The following GOSR2 variants were observed in gnomAD, a reference collection of about 807,000 sequenced individuals.
The protein encoded by GOSR2 is golgi SNAP receptor complex member 2.
Under a neutral mutation model 27.9 loss-of-function variants are expected in GOSR2, and 20 were observed. That is an observed-to-expected ratio of 0.72 (90% CI 0.50 to 1.04). The LOEUF is 1.04. Ranked by LOEUF, GOSR2 falls within the 50% of genes least tolerant of loss-of-function variation. The probability of loss-of-function intolerance (pLI) is 0.00; values close to 1 mark genes in which losing one functional copy is unlikely to be tolerated. For synonymous variants in GOSR2, 91 were observed against 98.8 expected, an observed-to-expected ratio of 0.92 and a Z score of 0.47; for missense variants, 261 against 270.5, an observed-to-expected ratio of 0.97 and a Z score of 0.25.
intron 1 of GOSR2, among the ~76,000 whole-genome samples, chr17:46,928,807 A>G (rs2086879613): frequency 6.6e-6 from 1 of 152,070 alleles, no homozygotes; most frequent in African/African-American, 2.4e-5. Flanking sequence ...GAATTTTTGC[A>G]TATCATTTTC....
At chr17:46,959,843 T>A (rs1299985894) in intron 6 of GOSR2, among the ~76,000 whole-genome samples, 4 of 152,202 alleles carry the variant, frequency 2.6e-5, no homozygotes, top group Non-Finnish European at 2.9e-5. Flanking sequence ...TTCCCACCAC[T>A]GGAGCTGACT....
chr17:46,936,583 A>G (rs550786427), intron 5 of GOSR2: 12 of 985,512 alleles, frequency 1.2e-5, no homozygotes, highest in Admixed American at 6.1e-5. Flanking sequence ...AGGAGAGGGC[A>G]TGAAGGGGCT....
chr17:46,927,634 C>T (rs2086682370), intron 1 of GOSR2, among the ~76,000 whole-genome samples: 1 of 152,122 alleles, frequency 6.6e-6, no homozygotes, highest in Non-Finnish European at 1.5e-5. Context: ...ATTGTAGTCC[C>T]TTCTTTCAAA....
intron 6 of GOSR2, among the ~76,000 whole-genome samples, chr17:46,959,436 A>G (rs1475793457): frequency 6.6e-6 from 1 of 152,200 alleles, no homozygotes; most frequent in Non-Finnish European, 1.5e-5. Flanking sequence ...AGATTGCCTT[A>G]AATCGCTTGA....
downstream of GOSR2, among the ~76,000 whole-genome samples, chr17:46,946,551 T>TAA (rs1737222249): frequency 6.6e-6 from 1 of 150,902 alleles, no homozygotes; most frequent in Admixed American, 6.6e-5. Flanking sequence ...TTGCAGCCCT[T>TAA]AAACAGAAAA....
intron 5 of GOSR2, 153 bp downstream of exon 5, chr17:46,935,322 A>G (rs1207990710): frequency 6.6e-7 from 1 of 1,512,548 alleles, no homozygotes; most frequent in East Asian, 2.3e-5. Flanking sequence ...TTTCTGTTGG[A>G]GTTGAGTTAT....
At chr17:46,971,727 G>A (rs2091394268), downstream of GOSR2, among the ~76,000 whole-genome samples, 1 of 152,206 alleles carries the variant, frequency 6.6e-6, no homozygotes, top group African/African-American at 2.4e-5. Context: ...GGGAAGTCCT[G>A]CACCCCGACC....
At chr17:46,968,323 A>G (rs1008821911), downstream of GOSR2, among the ~76,000 whole-genome samples, 15 of 152,074 alleles carry the variant, frequency 9.9e-5, no homozygotes, top group Non-Finnish European at 2.9e-5. Flanking sequence ...CTGTTTCTGA[A>G]TCTTTAGGGA....
intron 6 of GOSR2, among the ~76,000 whole-genome samples, chr17:46,955,963 C>A (rs767699885): frequency 6.6e-6 from 1 of 152,180 alleles, no homozygotes; most frequent in Non-Finnish European, 1.5e-5. Flanking sequence ...CCATTGGGAT[C>A]CAGATGCTGT....
intron 6 of GOSR2, among the ~76,000 whole-genome samples, chr17:46,974,862 C>T (rs1326363580): frequency 6.6e-6 from 1 of 152,104 alleles, no homozygotes; most frequent in Non-Finnish European, 1.5e-5. Flanking sequence ...GGAGGAGCTA[C>T]AAAACCTTCT....
chr17:46,936,534 C>T (rs1055257493), intron 5 of GOSR2: 2 of 985,484 alleles, frequency 2.0e-6, no homozygotes, highest in African/African-American at 3.5e-5. Flanking sequence ...CACCCTGCCT[C>T]CGTCGGGATT....
intron 6 of GOSR2, among the ~76,000 whole-genome samples, chr17:46,950,413 T>C (rs1431202152): frequency 6.6e-6 from 1 of 152,112 alleles, no homozygotes; most frequent in Non-Finnish European, 1.5e-5. Context: ...GGGGAGAAGA[T>C]GAAGTTGCTA....
downstream of GOSR2, among the ~76,000 whole-genome samples, chr17:46,969,841 G>T (rs188827344): frequency 2.4e-4 from 37 of 152,296 alleles, no homozygotes; most frequent in African/African-American, 8.4e-4. Context: ...TGCAAGAGAG[G>T]TGCTTGTTAC....
intron 6 of GOSR2, chr17:46,952,609 C>G (rs1391969707): frequency 6.6e-6 from 1 of 152,172 alleles, no homozygotes; most frequent in Non-Finnish European, 1.5e-5. Flanking sequence ...CTTTAGTCCA[C>G]TCTTAACTGA....
At position 46,966,662 on chromosome 17, in the gene GOSR2, G is replaced by T; in HGVS notation, c.712G>T (p.Glu238Ter). ...CCACCCTGACCTCCAAATACCTTTT[G>T]AACTCAGGCTTGGATTTGAACTCTG... The change falls in exon 7 of 7, where the codon GAA becomes TAA. Residue 238 changes from glutamate (E) to a stop codon, truncating the protein, a stop_gained. Coordinates refer to the GOSR2 transcript ENST00000573224. LOFTEE classifies it high-confidence loss of function. The T allele has an allele frequency of 1.8e-6, 1 of 570,518 alleles. No individual in the cohort carries two copies. The highest frequency in any genetic ancestry group is 2.3e-5 in the South Asian group (1 of 43,024). 35.3% of individuals were successfully genotyped at this position (570,518 alleles called of 1,614,324 possible). A position where few individuals can be genotyped will look rare whatever the true frequency, so the allele number is the denominator to read the frequency against.
intron 6 of GOSR2, among the ~76,000 whole-genome samples, chr17:46,952,487 C>A (rs2090433914): frequency 6.6e-6 from 1 of 152,214 alleles, no homozygotes; most frequent in South Asian, 2.1e-4. Flanking sequence ...ATATTTGTGC[C>A]TCTAGACTTT....
chr17:46,954,973 ATTTGAC>A (rs1019268520), intron 6 of GOSR2, among the ~76,000 whole-genome samples: 2,046 of 152,294 alleles, frequency 0.013, 53 homozygotes, highest in African/African-American at 0.048. Flanking sequence ...AACAGGGACA[ATTTGAC>A]TTCCTCTTTT....
chr17:46,924,454 TCTC>T (rs1371528983), intron 1 of GOSR2: 3 of 152,250 alleles, frequency 2.0e-5, no homozygotes, highest in Non-Finnish European at 4.4e-5. Flanking sequence ...TAGTTTCTCT[TCTC>T]AATTTTTTGA....
chr17:46,951,070 T>A (rs1230923073), intron 6 of GOSR2, among the ~76,000 whole-genome samples: 1 of 152,140 alleles, frequency 6.6e-6, no homozygotes, highest in African/African-American at 2.4e-5. Flanking sequence ...CAGGCACAGC[T>A]AAGTCAGGGT....
Sources: allele counts gnomAD v4.1 joint callset (sites outside exome capture counted in the v4.1 genomes callset), GRCh38; gene constraint gnomAD v4.1.1; transcripts MANE v1.5; gene names NCBI Gene and HGNC (gene_info 2026-07-23, HGNC 2026-07-21).